RAP1GAP: variants seen among roughly 807,000 people sequenced by gnomAD.
The protein encoded by RAP1GAP is RAP1 GTPase activating protein.
Under a neutral mutation model 87.2 loss-of-function variants are expected in RAP1GAP, and 35 were observed. The observed-to-expected ratio is 0.40, with a 90% confidence interval of 0.31 to 0.53. The LOEUF (loss-of-function observed/expected upper bound fraction) is 0.53. RAP1GAP is among the 20% of genes least tolerant of loss of function. The pLI, the probability that RAP1GAP is intolerant of heterozygous loss-of-function variation, is 0.48. For synonymous variants in RAP1GAP, 375 were observed against 363.9 expected, an observed-to-expected ratio of 1.03 and a Z score of -0.35; for missense variants, 734 against 898.9, an observed-to-expected ratio of 0.82 and a Z score of 2.35.
At chr1:21,644,255 C>A (rs896432501) in intron 2 of RAP1GAP, among the ~76,000 whole-genome samples, 2 of 152,176 alleles carry the variant, frequency 1.3e-5, no homozygotes, top group Non-Finnish European at 2.9e-5. Context: ...CCAGCTCCCC[C>A]ATGGCCAGCT....
intron 18 of RAP1GAP, among the ~76,000 whole-genome samples, chr1:21,604,511 G>T (rs148213596): frequency 6.6e-6 from 1 of 152,240 alleles, no homozygotes; most frequent in East Asian, 1.9e-4. Context: ...AACAGAAATG[G>T]GTCCGGTTAC....
At chr1:21,650,236 A>T (rs745647274) in intron 1 of RAP1GAP, among the ~76,000 whole-genome samples, 17 of 152,208 alleles carry the variant, frequency 1.1e-4, no homozygotes, top group South Asian at 6.2e-4. Context: ...CAAGGCCCGT[A>T]GCCTGCCTCA....
At position 21,617,985 on chromosome 1, in the gene RAP1GAP, A is replaced by G; in HGVS notation, c.67-13T>C. On this transcript the variant is annotated splice_polypyrimidine_tract_variant and intron_variant, in intron 5 of 24. Transcript: ENST00000374765. ...AGTCCTCCTCTGTCTGCAAAACACA[A>G]ACAGGGCAAGGGTCTCTCCATCTGT... The G allele has an allele frequency of 6.2e-7, 1 of 1,613,954 alleles. No individual in the cohort carries two copies. The highest frequency in any genetic ancestry group is 8.5e-7 in the Non-Finnish European group (1 of 1,179,936).
At chr1:21,625,030 T>G (rs2091315701) in intron 3 of RAP1GAP, among the ~76,000 whole-genome samples, 1 of 152,188 alleles carries the variant, frequency 6.6e-6, no homozygotes, top group East Asian at 1.9e-4. Flanking sequence ...TCTCCCTTCC[T>G]GCCAAGCCCC....
intron 4 of RAP1GAP, 106 bp downstream of exon 4, chr1:21,619,909 G>A (rs1274819925): frequency 1.6e-6 from 2 of 1,215,180 alleles, no homozygotes; most frequent in East Asian, 2.3e-5. Context: ...CTACTGGCGT[G>A]GCCTGTCCTC....
chr1:21,625,443 C>G (rs1032078128), intron 3 of RAP1GAP, among the ~76,000 whole-genome samples: 1 of 152,192 alleles, frequency 6.6e-6, no homozygotes, highest in Non-Finnish European at 1.5e-5. Flanking sequence ...GCTTGTCACC[C>G]CTGCATCAGA....
chr1:21,629,177 G>T (rs985796928), intron 2 of RAP1GAP, among the ~76,000 whole-genome samples: 1 of 152,216 alleles, frequency 6.6e-6, no homozygotes, highest in Non-Finnish European at 1.5e-5. Flanking sequence ...CCTGCAGTGG[G>T]GTGGAGGGCA....
intron 11 of RAP1GAP, 58 bp from the exon 12 acceptor site, chr1:21,611,874 G>T: frequency 6.5e-7 from 1 of 1,543,096 alleles, no homozygotes. Flanking sequence ...CCTGCCCTCT[G>T]TCCCTACTTG....
rs140914557 is a variant in RAP1GAP, at chr1:21,598,029, A to G, written c.1915T>C (p.Leu639=). The G allele has an allele frequency of 1.6e-4, 259 of 1,572,390 alleles. No homozygotes were observed. Among genetic ancestry groups the G allele is most frequent in the Middle Eastern group, 2.2e-4 (1 of 4,508 alleles). Residue 639 remains leucine (L), a synonymous_variant, in exon 23 of 25, where the codon TTG becomes CTG. Transcript: ENST00000374765. The part of the protein sequence containing the change: ...SRSPHPDAGK[L]GDPACPEIKI... ...ATCTCGGGACACGCAGGGTCCCCCAACTTGCCGGCGTCTGGGTGGGGTGAT... is the reference window on the plus strand; with the variant it reads ...ATCTCGGGACACGCAGGGTCCCCCAGCTTGCCGGCGTCTGGGTGGGGTGAT...
chr1:21,619,528 C>A (rs1284611254), intron 4 of RAP1GAP, among the ~76,000 whole-genome samples: 1 of 152,064 alleles, frequency 6.6e-6, no homozygotes, highest in Non-Finnish European at 1.5e-5. Context: ...GCACTCCCAT[C>A]CCAGCACCCC....
At chr1:21,665,299 G>A (rs368155373) in intron 1 of RAP1GAP, 16 of 513,952 alleles carry the variant, frequency 3.1e-5, no homozygotes, top group Non-Finnish European at 5.4e-5. Context: ...GGGTGGCCTC[G>A]GTTGGCAGAG....
chr1:21,626,424 G>A, intron 2 of RAP1GAP, 27 bp from the exon 3 acceptor site: 2 of 1,580,100 alleles, frequency 1.3e-6, no homozygotes, highest in South Asian at 1.1e-5. Context: ...CTGAGGTCAG[G>A]GAGAGCCCCA....
chr1:21,653,542 A>AACTTCCTTCCTTCCTTCCTTCCTT (rs2096717049), intron 1 of RAP1GAP, among the ~76,000 whole-genome samples: 1 of 120,144 alleles, frequency 8.3e-6, no homozygotes, highest in Non-Finnish European at 1.9e-5. Flanking sequence ...AGAAGGGAGG[A>AACTTCCTTCCTTCCTTCCTTCCTT]ACTTCCTTCC....
Position 21,609,483 on chromosome 1 carries a change from C to T in RAP1GAP, c.1071+92G>A. On this transcript the variant is annotated intron_variant, in intron 15 of 24. Transcript: ENST00000374765. The surrounding 1 kb of genome is among the most constrained non-coding windows in gnomAD (Gnocchi z 4.4). ...CCAGCTGCCCTGGCATACAATGAGACTTTGGGACCTCATAAGGCAGAATGT... is the reference window on the plus strand; with the variant it reads ...CCAGCTGCCCTGGCATACAATGAGATTTTGGGACCTCATAAGGCAGAATGT... The T allele has an allele frequency of 2.7e-6, 2 of 739,636 alleles. No individual in the cohort carries two copies. 45.8% of individuals were successfully genotyped at this position (739,636 alleles called of 1,614,324 possible).
chr1:21,602,976 C>T lies in RAP1GAP; in HGVS notation c.1429-63G>A, dbSNP rs1361368818. 1.3e-5 allele frequency: 16 copies of T among 1,251,260 alleles called. No homozygotes were observed. In the African/African-American group the frequency reaches 2.1e-4, roughly 16 times the overall value. 77.5% of individuals were successfully genotyped at this position (1,251,260 alleles called of 1,614,324 possible). On this transcript the variant is annotated intron_variant, in intron 18 of 24. Coordinates refer to ENST00000374765, the MANE Select transcript of RAP1GAP (RefSeq NM_002885.4). ...GGGAGCCCCAGTGCCCCCCCCACAT[C>T]CCCTCTGGGGATCCTGCTGCCCCAG...
chr1:21,650,326 C>T (rs1255833497), intron 1 of RAP1GAP, among the ~76,000 whole-genome samples: 1 of 152,084 alleles, frequency 6.6e-6, no homozygotes, highest in Non-Finnish European at 1.5e-5. Context: ...GAGCTTCCCC[C>T]CACCCTCACC....
chr1:21,609,037 A>G lies in RAP1GAP; in HGVS notation c.1072-101T>C. ...AGGCAGAGGCTGCAGCTCCTGAACC[A>G]TGCTCTGCTGGGGCCTGGGGTCACC... On this transcript the variant is annotated intron_variant, in intron 15 of 24. Transcript: ENST00000374765. The surrounding 1 kb of genome is among the most constrained non-coding windows in gnomAD (Gnocchi z 4.4). The G allele has an allele frequency of 9.9e-7, 1 of 1,007,852 alleles. No individual in the cohort carries two copies. Among genetic ancestry groups the G allele is most frequent in the Non-Finnish European group, 1.6e-6 (1 of 639,206 alleles). The allele number at this position is 1,007,852 out of a possible 1,614,324, so 62.4% of individuals were successfully genotyped here. A position where few individuals can be genotyped will look rare whatever the true frequency, so the allele number is the denominator to read the frequency against.
chr1:21,661,503 T>TGGGTTTGGAATCACATGGACCG (rs1553505021), intron 1 of RAP1GAP, among the ~76,000 whole-genome samples: 1 of 152,246 alleles, frequency 6.6e-6, no homozygotes, highest in Non-Finnish European at 1.5e-5. Context: ...GGCATCAGTA[T>TGGGTTTGGAATCACATGGACCG]GGGTTTGGAA....
rs1371341650 is a variant in RAP1GAP, at chr1:21,634,043, A to T, written c.-112-7646T>A. Among the ~76,000 whole-genome samples, 2 of 113,618 alleles carry T rather than the reference A, an allele frequency of 1.8e-5. No individual in the cohort carries two copies. Among genetic ancestry groups the T allele is most frequent in the Non-Finnish European group, 3.6e-5 (2 of 54,914 alleles). 74.5% of individuals were successfully genotyped at this position (113,618 alleles called of 152,430 possible). On this transcript the variant is annotated intron_variant, in intron 2 of 24. Coordinates refer to ENST00000374765, the MANE Select transcript of RAP1GAP (RefSeq NM_002885.4). The surrounding 1 kb of genome is among the most constrained non-coding windows in gnomAD (Gnocchi z 4.1). Reference sequence around the variant, plus strand: ...GAAACCAGAACCAAGTGGCTGCCCCAGAACTGCCCCCTCCCGGGGGGGGGG... The same window carrying T: ...GAAACCAGAACCAAGTGGCTGCCCCTGAACTGCCCCCTCCCGGGGGGGGGG...
Sources: gnomAD v4.1 joint callset for allele counts (sites outside exome capture counted in the v4.1 genomes callset) on GRCh38, gnomAD v4.1.1 for gene constraint, Gnocchi (gnomAD v3.1) non-coding constraint, MANE v1.5 for transcripts, NCBI Gene and HGNC (gene_info 2026-07-23, HGNC 2026-07-21) for gene names.